CRHR1: variants seen among roughly 807,000 people sequenced by gnomAD.
The protein encoded by CRHR1 is corticotropin releasing hormone receptor 1, also known as corticotropin-releasing hormone receptor 1.
In CRHR1, 28 loss-of-function variants were observed where a neutral mutation model predicts 56.0. The ratio of observed to expected loss-of-function variants is 0.50; its 90% confidence interval spans 0.37 to 0.69. The LOEUF (loss-of-function observed/expected upper bound fraction) is 0.69, where lower values mean the gene tolerates loss of function less well. CRHR1 is among the 30% of genes least tolerant of loss of function. CRHR1 has a pLI of 0.00. For missense variants in CRHR1, 376 were observed against 548.0 expected (o/e 0.69, Z 3.13); for synonymous variants, 195 against 216.5 (o/e 0.90, Z 0.87).
intron 1 of CRHR1, among the ~76,000 whole-genome samples, chr17:45,787,916 A>G (rs2061363542): frequency 6.6e-6 from 1 of 152,218 alleles, no homozygotes; most frequent in African/African-American, 2.4e-5. Flanking sequence ...ACTGGGGGCA[A>G]AGACAGGGAG....
chr17:45,798,384 G>A (rs574454206), intron 1 of CRHR1, among the ~76,000 whole-genome samples: 1 of 152,154 alleles, frequency 6.6e-6, no homozygotes, highest in Non-Finnish European at 1.5e-5. Flanking sequence ...AAATTAGCCA[G>A]GTGTGATGGT....
intron 2 of CRHR1, among the ~76,000 whole-genome samples, 177 bp from the exon 3 acceptor site, chr17:45,816,286 T>C (rs1424271069): frequency 6.6e-6 from 1 of 152,174 alleles, no homozygotes; most frequent in African/African-American, 2.4e-5. Flanking sequence ...TTCTTCCCCT[T>C]GTGTCTTCTT....
intron 1 of CRHR1, among the ~76,000 whole-genome samples, chr17:45,798,619 CGTGT>C (rs1239667392): frequency 2.0e-5 from 3 of 151,434 alleles, no homozygotes; most frequent in Non-Finnish European, 4.4e-5. Context: ...CTTGGAGGGG[CGTGT>C]GTGACTCTGG....
intron 2 of CRHR1, among the ~76,000 whole-genome samples, chr17:45,808,854 C>T (rs553700588): frequency 9.9e-5 from 15 of 152,198 alleles, no homozygotes; most frequent in African/African-American, 3.4e-4. Flanking sequence ...CTCAGTTGCC[C>T]AGGCTGGAGT....
At chr17:45,823,901 C>T (rs559388131) in intron 4 of CRHR1, among the ~76,000 whole-genome samples, 55 of 152,200 alleles carry the variant, frequency 3.6e-4, no homozygotes, top group Non-Finnish European at 6.5e-4. Context: ...TCTGGCAGGG[C>T]GAGGGGCTGC....
intron 4 of CRHR1, among the ~76,000 whole-genome samples, chr17:45,823,824 C>A (rs952657518): frequency 6.6e-6 from 1 of 152,244 alleles, no homozygotes; most frequent in Non-Finnish European, 1.5e-5. Flanking sequence ...TCTGCTGTCT[C>A]CTTCCGGAAG....
chr17:45,811,152 G>A (rs968325415), intron 2 of CRHR1, among the ~76,000 whole-genome samples: 4 of 152,368 alleles, frequency 2.6e-5, no homozygotes, highest in Non-Finnish European at 5.9e-5. Flanking sequence ...TACCATGGGC[G>A]GATCTGCCAA....
At chr17:45,786,013 A>G (rs2061329596) in intron 1 of CRHR1, among the ~76,000 whole-genome samples, 1 of 152,168 alleles carries the variant, frequency 6.6e-6, no homozygotes, top group Admixed American at 6.5e-5. Context: ...CTGAATGGGA[A>G]TAGTTTCCAA....
In CRHR1 at chr17:45,830,579, G is replaced by A; in HGVS notation, c.709+9G>A. 1 of 1,599,514 alleles carries A rather than the reference G, an allele frequency of 6.3e-7. No individual in the cohort carries two copies. Among genetic ancestry groups the A allele is most frequent in the Middle Eastern group, 1.7e-4 (1 of 5,966 alleles). On this transcript the variant is annotated intron_variant, in intron 7 of 12. Transcript: ENST00000314537. ...CATCTGCATTGGCTGGGGTGAGCTGGGCAGCCACCTCCGCAGCCTGGGCAG... is the reference window on the plus strand; with the variant it reads ...CATCTGCATTGGCTGGGGTGAGCTGAGCAGCCACCTCCGCAGCCTGGGCAG...
chr17:45,830,243 G>A (rs756767618), intron 6 of CRHR1, 29 bp downstream of exon 6: 5 of 1,612,574 alleles, frequency 3.1e-6, no homozygotes, highest in Non-Finnish European at 4.2e-6. Context: ...GCGGGGAGCA[G>A]GTCAGGCCAA....
At chr17:45,825,523 G>A (rs557945196) in intron 4 of CRHR1, 260 of 154,756 alleles carry the variant, frequency 1.7e-3, no homozygotes, top group African/African-American at 5.7e-3. Flanking sequence ...AGAGCACACC[G>A]TGGTGGGACA....
intron 3 of CRHR1, among the ~76,000 whole-genome samples, chr17:45,819,411 C>G (rs923362031): frequency 2.0e-5 from 3 of 152,178 alleles, no homozygotes; most frequent in Non-Finnish European, 4.4e-5. Context: ...TAGCACTACT[C>G]CATGCTGCCT....
chr17:45,795,174 A>G (rs2061495719), intron 1 of CRHR1, among the ~76,000 whole-genome samples: 1 of 152,142 alleles, frequency 6.6e-6, no homozygotes, highest in Non-Finnish European at 1.5e-5. Context: ...TGAGGCCAGG[A>G]GGTGGGAGAC....
intron 1 of CRHR1, among the ~76,000 whole-genome samples, chr17:45,805,144 T>G (rs1431428522): frequency 6.6e-6 from 1 of 152,144 alleles, no homozygotes; most frequent in Non-Finnish European, 1.5e-5. Flanking sequence ...ACTTTTTCCC[T>G]TTTTGCCCCA....
chr17:45,833,694 C>CT lies in CRHR1; in HGVS notation c.930-20_930-19insT. On this transcript the variant is annotated intron_variant, in intron 10 of 12. Transcript: ENST00000314537. ...TGGGGTGGGCTGTGACTCCGAGCCT[C>CT]CCCACCCGCCCCACCCCAGGAAGGC... 1.7e-6 allele frequency: 1 copy of CT among 581,962 alleles called. No individual in the cohort carries two copies. The highest frequency in any genetic ancestry group is 2.1e-5 in the Admixed American group (1 of 47,674). The allele number at this position is 581,962 out of a possible 1,614,324, so 36.0% of individuals were successfully genotyped here. A position where few individuals can be genotyped will look rare whatever the true frequency, so the allele number is the denominator to read the frequency against.
At chr17:45,821,314 G>T in intron 3 of CRHR1, 41 bp from the exon 4 acceptor site, 3 of 1,585,842 alleles carry the variant, frequency 1.9e-6, no homozygotes, top group Non-Finnish European at 1.7e-6. Flanking sequence ...GGCAGGGGCC[G>T]GGGCTGCCCC....
chr17:45,817,998 C>T (rs545769632), intron 3 of CRHR1, among the ~76,000 whole-genome samples: 225 of 152,300 alleles, frequency 1.5e-3, no homozygotes, highest in African/African-American at 5.2e-3. Flanking sequence ...AGCCCAGGGA[C>T]GATAACTCTC....
chr17:45,806,960 C>G (rs1203767382), intron 1 of CRHR1, 50 bp from the exon 2 acceptor site: 2 of 1,546,814 alleles, frequency 1.3e-6, no homozygotes, highest in East Asian at 4.5e-5. Flanking sequence ...GCAACATGCT[C>G]ATGGCTCATG....
At chr17:45,818,438 T>A (rs1441511894) in intron 3 of CRHR1, among the ~76,000 whole-genome samples, 1 of 152,074 alleles carries the variant, frequency 6.6e-6, no homozygotes, top group Admixed American at 6.5e-5. Context: ...CAGTCAGGAG[T>A]CCTAAGTTCT....
Sources: allele counts gnomAD v4.1 joint callset (sites outside exome capture counted in the v4.1 genomes callset), GRCh38; gene constraint gnomAD v4.1.1; transcripts MANE v1.5; gene names NCBI Gene and HGNC (gene_info 2026-07-23, HGNC 2026-07-21).